Variants in STK32C observed in about 807,000 individuals in gnomAD.
STK32C encodes serine/threonine kinase 32C.
STK32C carries 31 observed loss-of-function variants against 56.5 expected under a neutral mutation model. That is an observed-to-expected ratio of 0.55 (90% CI 0.41 to 0.74). STK32C has a LOEUF of 0.74. STK32C is among the 30% of genes least tolerant of loss of function. The probability of loss-of-function intolerance (pLI) is 0.00; values close to 1 mark genes in which losing one functional copy is unlikely to be tolerated. For missense variants in STK32C, 544 were observed against 676.9 expected (o/e 0.80, Z 2.18); for synonymous variants, 309 against 289.4 (o/e 1.07, Z -0.69).
chr10:132,325,243 C>G (rs1275437549), intron 1 of STK32C, among the ~76,000 whole-genome samples: 1 of 152,098 alleles, frequency 6.6e-6, no homozygotes, highest in African/African-American at 2.4e-5. Context: ...CTCACGAGAT[C>G]TGATGGTTTT....
chr10:132,303,869 G>GTTCTCTCCC (rs2065980665), intron 1 of STK32C, among the ~76,000 whole-genome samples: 3 of 152,190 alleles, frequency 2.0e-5, no homozygotes, highest in African/African-American at 7.2e-5. Context: ...AGCTCCGCTG[G>GTTCTCTCCC]CAGCAGGTGG....
intron 10 of STK32C, among the ~76,000 whole-genome samples, chr10:132,221,453 C>G (rs531897021): frequency 7.3e-6 from 1 of 137,528 alleles, no homozygotes; most frequent in Admixed American, 7.4e-5. Context: ...TGCACACACT[C>G]ACAACTGACA....
At chr10:132,271,936 ACCT>A (rs1350275198) in intron 1 of STK32C, among the ~76,000 whole-genome samples, 2 of 152,110 alleles carry the variant, frequency 1.3e-5, no homozygotes, top group East Asian at 1.9e-4. Context: ...GGACGCCCGG[ACCT>A]CCTCATGTTT....
At chr10:132,245,369 C>A (rs530030595) in intron 2 of STK32C, among the ~76,000 whole-genome samples, 50 of 152,328 alleles carry the variant, frequency 3.3e-4, no homozygotes, top group African/African-American at 1.2e-3. Flanking sequence ...TACCCCCAAT[C>A]TCTAGATATT....
chr10:132,297,252 C>T (rs1298231179), intron 1 of STK32C, among the ~76,000 whole-genome samples: 1 of 152,234 alleles, frequency 6.6e-6, no homozygotes, highest in Non-Finnish European at 1.5e-5. Context: ...CCCAGCCCCT[C>T]CTCCGTGGCC....
chr10:132,246,666 C>A (rs992712467), intron 1 of STK32C, among the ~76,000 whole-genome samples: 3 of 152,230 alleles, frequency 2.0e-5, no homozygotes, highest in Non-Finnish European at 4.4e-5. Flanking sequence ...ACTCGTGAGA[C>A]CTGTCCGTGT....
intron 1 of STK32C, among the ~76,000 whole-genome samples, chr10:132,286,125 CAA>C (rs540022059): frequency 1.2e-4 from 14 of 113,036 alleles, no homozygotes; most frequent in Non-Finnish European, 9.3e-5. Context: ...GACTCTGTCT[CAA>C]AAAAAAAAAA....
chr10:132,275,890 C>T lies in STK32C; in HGVS notation c.263-29935G>A, dbSNP rs189457621. Among the ~76,000 whole-genome samples, 576 of 152,292 alleles carry T rather than the reference C, an allele frequency of 3.8e-3. 6 individuals carry two copies. The highest frequency in any genetic ancestry group is 0.013 in the African/African-American group (549 of 41,558). On this transcript the variant is annotated intron_variant, in intron 1 of 11. Transcript: ENST00000298630. ...GAGAAGCAGACACCCAGGCCTGTGT[C>T]GGGCAGGAGACTGTACAGGAAAACC...
At chr10:132,315,685 TATAGAAGTTTGGGCAAC>T (rs912790095) in intron 1 of STK32C, among the ~76,000 whole-genome samples, 2 of 152,198 alleles carry the variant, frequency 1.3e-5, no homozygotes, top group Non-Finnish European at 2.9e-5. Context: ...TTACTAAGGA[TATAGAAGTTTGGGCAAC>T]ACTCTTAAGC....
chr10:132,268,797 G>A (rs34032641), intron 1 of STK32C, among the ~76,000 whole-genome samples: 28,454 of 140,834 alleles, frequency 0.2, 3,031 homozygotes, highest in Non-Finnish European at 0.29. Flanking sequence ...GTCCCACATC[G>A]TGTGTGTGTG....
chr10:132,230,064 G>A (rs546159007), intron 2 of STK32C, among the ~76,000 whole-genome samples: 1 of 152,188 alleles, frequency 6.6e-6, no homozygotes, highest in South Asian at 2.1e-4. Context: ...CTGAACACGC[G>A]GCCACACCTG....
intron 10 of STK32C, 173 bp from the exon 11 acceptor site, chr10:132,209,274 G>C (rs758091098): frequency 1.4e-6 from 1 of 710,440 alleles, no homozygotes; most frequent in Non-Finnish European, 2.5e-6. Context: ...CCGGGAGCTC[G>C]CATCTCTGCG....
intron 1 of STK32C, among the ~76,000 whole-genome samples, chr10:132,266,336 G>C (rs949280884): frequency 6.6e-6 from 1 of 152,132 alleles, no homozygotes; most frequent in African/African-American, 2.4e-5. Flanking sequence ...GGGATGCTTG[G>C]AAAAGAGCCC....
rs553490384 is a variant in STK32C, at chr10:132,305,123, A to C, written c.262+2449T>G. On this transcript the variant is annotated intron_variant, in intron 1 of 11. Coordinates refer to ENST00000298630, the MANE Select transcript of STK32C (RefSeq NM_173575.4). ...AGACCCCCTAACCAAGTTCAACCCC[A>C]AAAATGAATTTTTCACCGAAGTCAG... Among the ~76,000 whole-genome samples, 217 of 152,312 alleles carry C rather than the reference A, an allele frequency of 1.4e-3. 2 individuals are homozygous for C. Among genetic ancestry groups the C allele is most frequent in the African/African-American group, 4.6e-3 (190 of 41,580 alleles).
intron 3 of STK32C, among the ~76,000 whole-genome samples, 194 bp downstream of exon 3, chr10:132,227,783 T>C (rs565472249): frequency 3.9e-5 from 6 of 152,246 alleles, no homozygotes; most frequent in African/African-American, 1.4e-4. Flanking sequence ...CAGCATGTCA[T>C]GGCCACCTGG....
At chr10:132,301,930 CTATA>C in intron 1 of STK32C, among the ~76,000 whole-genome samples, 2 of 152,342 alleles carry the variant, frequency 1.3e-5, no homozygotes, top group African/African-American at 4.8e-5. Flanking sequence ...GATGCACCGG[CTATA>C]TACTCACTAA....
chr10:132,294,135 C>T (rs556247067), intron 1 of STK32C, among the ~76,000 whole-genome samples: 1 of 152,194 alleles, frequency 6.6e-6, no homozygotes, highest in South Asian at 2.1e-4. Flanking sequence ...GGAGTCGCTG[C>T]CATATAGGTG....
At chr10:132,225,209 C>A in intron 7 of STK32C, 24 bp downstream of exon 7, 1 of 1,568,876 alleles carries the variant, frequency 6.4e-7, no homozygotes, top group Non-Finnish European at 8.7e-7. Flanking sequence ...GCAGCCAAGC[C>A]CAGGGGCTGC....
chr10:132,260,884 G>A (rs79861206), intron 1 of STK32C, among the ~76,000 whole-genome samples: 3,220 of 151,800 alleles, frequency 0.021, 143 homozygotes, highest in African/African-American at 0.073. Context: ...GGGACAGGCT[G>A]CGAGGTCAGC....
Sources: gnomAD v4.1 joint callset for allele counts (sites outside exome capture counted in the v4.1 genomes callset) on GRCh38, gnomAD v4.1.1 for gene constraint, MANE v1.5 for transcripts, NCBI Gene and HGNC (gene_info 2026-07-23, HGNC 2026-07-21) for gene names.